The following FTO variants were observed in gnomAD, a reference collection of about 807,000 sequenced individuals.
FTO encodes the protein alpha-ketoglutarate-dependent dioxygenase FTO.
Under a neutral mutation model 63.9 loss-of-function variants are expected in FTO, and 47 were observed. That is an observed-to-expected ratio of 0.74 (90% confidence interval 0.58 to 0.94). The LOEUF (loss-of-function observed/expected upper bound fraction) is 0.94. Among genes scored for constraint, FTO ranks in the 40% least tolerant of loss-of-function variants. The probability of loss-of-function intolerance (pLI) is 0.00; values close to 1 mark genes in which losing one functional copy is unlikely to be tolerated. For synonymous variants in FTO, 207 were observed against 224.4 expected (o/e 0.92, Z 0.69); for missense variants, 562 against 618.1 (o/e 0.91, Z 0.96).
At chr16:53,950,380 G>T (rs914897903) in intron 8 of FTO, among the ~76,000 whole-genome samples, 3 of 151,982 alleles carry the variant, frequency 2.0e-5, no homozygotes, top group Admixed American at 6.6e-5. Flanking sequence ...CTTGGAGAAA[G>T]CAAAATGATG....
At chr16:53,835,500 T>G (rs763594953) in intron 3 of FTO, among the ~76,000 whole-genome samples, 10 of 152,228 alleles carry the variant, frequency 6.6e-5, no homozygotes, top group Non-Finnish European at 1.5e-4. Context: ...AAATAATATT[T>G]TTTTTCAGAA....
intron 8 of FTO, among the ~76,000 whole-genome samples, chr16:54,066,145 G>T (rs1008838352): frequency 7.2e-5 from 11 of 152,210 alleles, no homozygotes; most frequent in Non-Finnish European, 8.8e-5. Flanking sequence ...ACTAGTGAGT[G>T]TTGGGACCGG....
At chr16:54,026,774 T>C (rs1292497585) in intron 8 of FTO, among the ~76,000 whole-genome samples, 1 of 152,176 alleles carries the variant, frequency 6.6e-6, no homozygotes, top group Non-Finnish European at 1.5e-5. Flanking sequence ...ATGAAAACTT[T>C]AGGTCATTAA....
intron 8 of FTO, among the ~76,000 whole-genome samples, chr16:53,996,209 C>A (rs1432819197): frequency 1.3e-5 from 2 of 152,166 alleles, no homozygotes; most frequent in Admixed American, 1.3e-4. Context: ...CCGATGGTTT[C>A]ATCTTTTGAC....
At chr16:53,727,705 C>T (rs1009064670) in intron 1 of FTO, among the ~76,000 whole-genome samples, 3 of 152,094 alleles carry the variant, frequency 2.0e-5, no homozygotes, top group South Asian at 2.1e-4. Flanking sequence ...GTGGGAGTCA[C>T]GAGACCTGAG....
At chr16:53,719,253 C>CTTTTTTTTTTTTTTTTTTTTTT (rs10527186) in intron 1 of FTO, among the ~76,000 whole-genome samples, 1 of 135,650 alleles carries the variant, frequency 7.4e-6, no homozygotes. Flanking sequence ...TCTTCTTCTT[C>CTTTTTTTTTTTTTTTTTTTTTT]TTTTTTTTTT....
chr16:54,079,254 T>G (rs540413470), intron 8 of FTO, among the ~76,000 whole-genome samples: 1 of 152,294 alleles, frequency 6.6e-6, no homozygotes, highest in East Asian at 1.9e-4. Context: ...CAGTGCCTGC[T>G]GACATAATCA....
At chr16:53,807,409 G>A (rs1030562854) in intron 1 of FTO, among the ~76,000 whole-genome samples, 1 of 152,142 alleles carries the variant, frequency 6.6e-6, no homozygotes, top group East Asian at 1.9e-4. Context: ...GCTCAGTTCC[G>A]AAATGAACTG....
At chr16:53,730,357 AAAG>A (rs2076243710) in intron 1 of FTO, among the ~76,000 whole-genome samples, 1 of 152,116 alleles carries the variant, frequency 6.6e-6, no homozygotes, top group African/African-American at 2.4e-5. Context: ...ATCTTTTTTC[AAAG>A]AAGATAGTAT....
At chr16:53,773,116 A>G (rs926789664) in intron 1 of FTO, among the ~76,000 whole-genome samples, 4 of 150,530 alleles carry the variant, frequency 2.7e-5, no homozygotes, top group Non-Finnish European at 4.4e-5. Flanking sequence ...AGGAGTTCAT[A>G]TTGCGATATA....
In FTO at chr16:53,975,958, G is replaced by T. The variant is rs139724607; in HGVS notation, c.1364+41849G>T. Among the ~76,000 whole-genome samples the T allele has an allele frequency of 4.5e-3, 692 of 152,218 alleles. 6 individuals are homozygous for T. Among genetic ancestry groups the T allele is most frequent in the African/African-American group, 0.016 (667 of 41,530 alleles). ...GCACAGATTGATTAAGTAAGTATCA[G>T]AACCAGGCAGCCTGCCACCAGAGTC... On this transcript the variant is annotated intron_variant, in intron 8 of 8. Coordinates refer to ENST00000471389, the MANE Select transcript of FTO (RefSeq NM_001080432.3).
chr16:54,102,851 A>C (rs1207611938), intron 8 of FTO, among the ~76,000 whole-genome samples: 6 of 152,122 alleles, frequency 3.9e-5, no homozygotes, highest in Non-Finnish European at 7.4e-5. Flanking sequence ...TATCTATGCT[A>C]AATGGAAGAA....
At chr16:53,905,651 AT>A (rs1053272278) in intron 7 of FTO, among the ~76,000 whole-genome samples, 15 of 151,750 alleles carry the variant, frequency 9.9e-5, no homozygotes, top group South Asian at 8.3e-4. Context: ...ACCATGTTTT[AT>A]TTTTTTCCTG....
At chr16:53,805,831 C>T (rs1400231061) in intron 1 of FTO, among the ~76,000 whole-genome samples, 1 of 152,156 alleles carries the variant, frequency 6.6e-6, no homozygotes, top group East Asian at 1.9e-4. Context: ...GTGCAGGGGT[C>T]TTCATCTGCC....
At chr16:53,948,659 A>G (rs2082704069) in intron 8 of FTO, among the ~76,000 whole-genome samples, 2 of 152,232 alleles carry the variant, frequency 1.3e-5, no homozygotes, top group Admixed American at 1.3e-4. Flanking sequence ...TGGAACATTC[A>G]TATTGTATGT....
At position 53,888,900 on chromosome 16, in the gene FTO, G is replaced by A. The variant is rs201572715; in HGVS notation, c.1188G>A (p.Trp396Ter). ...GNRYRKCTDWWCQPMAQLEAL... is the reference protein window; with the variant it reads ...GNRYRKCTDW The stretch of plus-strand genomic sequence containing the variant: ...GATACAGAAAGTGCACTGACTGGTG[G>A]TGTCAACCCATGGCTCAACTGGAAG... The change falls in exon 7 of 9, where the codon TGG becomes TGA. Residue 396 changes from tryptophan to a stop codon, truncating the protein, a stop_gained. Transcript: ENST00000471389. LOFTEE classifies it high-confidence loss of function. 1.2e-6 allele frequency: 2 copies of A among 1,614,090 alleles called. No individual in the cohort carries two copies. Among genetic ancestry groups the A allele is most frequent in the East Asian group, 2.2e-5 (1 of 44,874 alleles).
chr16:53,946,115 G>A (rs1438230493), intron 8 of FTO, among the ~76,000 whole-genome samples: 1 of 152,164 alleles, frequency 6.6e-6, no homozygotes, highest in Admixed American at 6.5e-5. Context: ...CTGGCCTGTA[G>A]GGGACACTGT....
chr16:54,099,611 G>A lies in FTO; in HGVS notation c.1365-12151G>A, dbSNP rs552527385. On this transcript the variant is annotated intron_variant, in intron 8 of 8. Coordinates refer to ENST00000471389, the MANE Select transcript of FTO (RefSeq NM_001080432.3). ...GTCAGCAGCTCCTAAATGTTCGGCT[G>A]TCAAGATAGCCCATTCATCACTATC... is the stretch of plus-strand genomic sequence containing the variant. Among the ~76,000 whole-genome samples the A allele has an allele frequency of 4.6e-5, 7 of 152,272 alleles. No individual in the cohort carries two copies. The South Asian group carries it at 1.5e-3, about 32-fold the overall frequency.
Position 53,889,413 on chromosome 16 carries a change from G to A in FTO, c.1239+462G>A, listed in dbSNP as rs78353976. 8.7e-3 allele frequency among the ~76,000 whole-genome samples: 1,320 copies of A among 152,292 alleles called. 23 individuals are homozygous for A. Among genetic ancestry groups the A allele is most frequent in the African/African-American group, 0.03 (1,259 of 41,556 alleles). ...CACTGAGTAAGTGGCACAGCAAGGT[G>A]GAAACTCAGGCAGGCTGGCTCCACA... On this transcript the variant is annotated intron_variant, in intron 7 of 8. Coordinates refer to ENST00000471389, the MANE Select transcript of FTO (RefSeq NM_001080432.3).
Sources: gnomAD v4.1 joint callset for allele counts (sites outside exome capture counted in the v4.1 genomes callset) on GRCh38, gnomAD v4.1.1 for gene constraint, MANE v1.5 for transcripts, NCBI Gene and HGNC (gene_info 2026-07-23, HGNC 2026-07-21) for gene names.